The following PTPRD variants were observed in gnomAD, a reference collection of about 807,000 sequenced individuals.
PTPRD encodes the protein receptor-type tyrosine-protein phosphatase delta.
PTPRD carries 34 observed loss-of-function variants against 214.5 expected under a neutral mutation model. That is an observed-to-expected ratio of 0.16 (90% CI 0.12 to 0.21). The LOEUF (loss-of-function observed/expected upper bound fraction) is 0.21, where lower values mean the gene tolerates loss of function less well. Among genes scored for constraint, PTPRD ranks in the 10% least tolerant of loss-of-function variants. The pLI is 1.00. For synonymous variants in PTPRD, 1,128 were observed against 845.7 expected, an observed-to-expected ratio of 1.33 and a Z score of -5.79; for missense variants, 2,545 against 2,398.7, an observed-to-expected ratio of 1.06 and a Z score of -1.27.
chr9:9,821,865 C>T (rs776143338), intron 5 of PTPRD, among the ~76,000 whole-genome samples: 2 of 150,912 alleles, frequency 1.3e-5, no homozygotes, highest in African/African-American at 2.4e-5. Flanking sequence ...CATGCATGTG[C>T]ATGCCTGTAT....
intron 4 of PTPRD, among the ~76,000 whole-genome samples, chr9:9,954,653 A>G (rs1399512824): frequency 1.3e-5 from 2 of 152,094 alleles, no homozygotes; most frequent in Admixed American, 1.3e-4. Flanking sequence ...TAATAGGTAC[A>G]TAACAAACAT....
At chr9:10,168,005 A>G (rs560001237) in intron 3 of PTPRD, among the ~76,000 whole-genome samples, 1 of 152,322 alleles carries the variant, frequency 6.6e-6, no homozygotes, top group Admixed American at 6.5e-5. Flanking sequence ...CTCAGTGACC[A>G]TTATCCTTGG....
chr9:10,300,813 G>C (rs2095840633), intron 3 of PTPRD, among the ~76,000 whole-genome samples: 1 of 152,178 alleles, frequency 6.6e-6, no homozygotes, highest in South Asian at 2.1e-4. Flanking sequence ...CGAGCACCTG[G>C]GGGAAGGGGC....
intron 2 of PTPRD, among the ~76,000 whole-genome samples, chr9:10,364,703 T>C (rs2097480314): frequency 6.6e-6 from 1 of 152,108 alleles, no homozygotes; most frequent in Non-Finnish European, 1.5e-5. Context: ...GCCTACAAAA[T>C]TGCCAGGGAA....
intron 3 of PTPRD, among the ~76,000 whole-genome samples, chr9:10,099,761 A>C (rs1247289550): frequency 1.3e-5 from 2 of 151,612 alleles, no homozygotes; most frequent in Non-Finnish European, 3.0e-5. Flanking sequence ...AAGTGGAGCA[A>C]ACTTATCTTA....
At chr9:9,499,753 T>C (rs2096339739) in intron 8 of PTPRD, among the ~76,000 whole-genome samples, 1 of 152,058 alleles carries the variant, frequency 6.6e-6, no homozygotes, top group African/African-American at 2.4e-5. Context: ...TGGATAGTGT[T>C]AATGCCCTCT....
At chr9:10,382,295 T>A (rs916859165) in intron 2 of PTPRD, among the ~76,000 whole-genome samples, 2 of 151,978 alleles carry the variant, frequency 1.3e-5, no homozygotes, top group Non-Finnish European at 2.9e-5. Flanking sequence ...CTTCTTCTTA[T>A]GAGTTGACAA....
intron 11 of PTPRD, among the ~76,000 whole-genome samples, chr9:8,959,725 T>A (rs2099149281): frequency 6.6e-6 from 1 of 152,080 alleles, no homozygotes; most frequent in Admixed American, 6.6e-5. Context: ...AGCAGCTATA[T>A]TTCTTATCAA....
intron 9 of PTPRD, among the ~76,000 whole-genome samples, chr9:9,244,517 A>G (rs1222058256): frequency 6.6e-6 from 1 of 152,194 alleles, no homozygotes; most frequent in Non-Finnish European, 1.5e-5. Context: ...GACAAACCTG[A>G]CAAAAACAAG....
chr9:9,585,682 C>T (rs949609374), intron 7 of PTPRD, among the ~76,000 whole-genome samples: 1 of 151,930 alleles, frequency 6.6e-6, no homozygotes, highest in Non-Finnish European at 1.5e-5. Flanking sequence ...TTTTTCAAGC[C>T]CAACAATTCT....
intron 10 of PTPRD, among the ~76,000 whole-genome samples, chr9:9,155,157 T>C (rs570426884): frequency 5.3e-5 from 8 of 152,166 alleles, no homozygotes; most frequent in Non-Finnish European, 1.2e-4. Context: ...CTAAGATGCA[T>C]TGAAGGGTAA....
chr9:8,340,219 A>T (rs891730481), intron 42 of PTPRD, 124 bp downstream of exon 42: 4 of 1,128,402 alleles, frequency 3.5e-6, no homozygotes, highest in African/African-American at 3.1e-5. Context: ...GATGGTCCGG[A>T]TTATGTCCAG....
At chr9:8,702,896 T>C (rs1474562623) in intron 12 of PTPRD, among the ~76,000 whole-genome samples, 1 of 152,184 alleles carries the variant, frequency 6.6e-6, no homozygotes, top group Admixed American at 6.5e-5. Flanking sequence ...CGTGAGCCAC[T>C]GCGCCCGGCC....
At chr9:8,601,509 CT>C (rs2094861426) in intron 14 of PTPRD, among the ~76,000 whole-genome samples, 1 of 152,118 alleles carries the variant, frequency 6.6e-6, no homozygotes, top group Non-Finnish European at 1.5e-5. Flanking sequence ...TTTCTATGAC[CT>C]CACCCTTGGC....
intron 7 of PTPRD, among the ~76,000 whole-genome samples, chr9:9,713,818 A>G (rs1041221184): frequency 3.3e-5 from 5 of 152,102 alleles, no homozygotes; most frequent in Admixed American, 1.3e-4. Context: ...CTTGTCTCCA[A>G]TGTTACAATT....
chr9:9,688,939 G>A (rs1484134974), intron 7 of PTPRD, among the ~76,000 whole-genome samples: 4 of 151,686 alleles, frequency 2.6e-5, no homozygotes, highest in Admixed American at 1.3e-4. Flanking sequence ...TAGGTAAACA[G>A]TAGATATAGA....
chr9:10,206,889 AC>A (rs1342203389), intron 3 of PTPRD, among the ~76,000 whole-genome samples: 1 of 152,132 alleles, frequency 6.6e-6, no homozygotes, highest in Admixed American at 6.5e-5. Flanking sequence ...GAAAACACAT[AC>A]CAATAAATAC....
At chr9:8,522,412 G>C (rs2097909976) in intron 19 of PTPRD, among the ~76,000 whole-genome samples, 1 of 152,190 alleles carries the variant, frequency 6.6e-6, no homozygotes, top group Non-Finnish European at 1.5e-5. Context: ...AGCTCAAGTT[G>C]TTAAAGGTAA....
At chr9:8,836,288 A>G (rs1252434024) in intron 11 of PTPRD, among the ~76,000 whole-genome samples, 1 of 152,168 alleles carries the variant, frequency 6.6e-6, no homozygotes, top group Non-Finnish European at 1.5e-5. Flanking sequence ...GAACATTGAC[A>G]AAGCAAACTA....
Sources: allele counts gnomAD v4.1 joint callset (sites outside exome capture counted in the v4.1 genomes callset), GRCh38; gene constraint gnomAD v4.1.1; transcripts MANE v1.5; gene names NCBI Gene and HGNC (gene_info 2026-07-23, HGNC 2026-07-21).